RASSF3: variants seen among roughly 807,000 people sequenced by gnomAD.
The protein encoded by RASSF3 is ras association domain-containing protein 3.
A neutral mutation model predicts 19.9 loss-of-function variants in RASSF3; 19 were observed. The observed-to-expected ratio is 0.96, with a 90% CI of 0.67 to 1.40. RASSF3 has a LOEUF of 1.40. RASSF3 is among the 40% of genes most tolerant of loss of function. RASSF3 has a pLI of 0.00. For synonymous variants in RASSF3, 110 were observed against 104.2 expected (o/e 1.06, Z -0.34); for missense variants, 306 against 289.8 (o/e 1.06, Z -0.41).
At chr12:64,605,887 C>CAA (rs34242846), upstream of RASSF3, among the ~76,000 whole-genome samples, 53 of 82,274 alleles carry the variant, frequency 6.4e-4, no homozygotes, top group Middle Eastern at 6.8e-3. Context: ...AACTCCGTCT[C>CAA]AAAAAAAAAA....
intron 1 of RASSF3, among the ~76,000 whole-genome samples, chr12:64,629,275 G>T (rs187893566): frequency 5.3e-5 from 8 of 150,786 alleles, no homozygotes; most frequent in Non-Finnish European, 1.0e-4. Flanking sequence ...CTAATTTTTC[G>T]TATTTTTTTT....
At chr12:64,617,607 G>A (rs896493637) in intron 1 of RASSF3, among the ~76,000 whole-genome samples, 1 of 152,192 alleles carries the variant, frequency 6.6e-6, no homozygotes, top group Non-Finnish European at 1.5e-5. Flanking sequence ...ACCCAGGCTG[G>A]AGTACAATGA....
At chr12:64,640,383 A>G (rs186531901) in intron 1 of RASSF3, among the ~76,000 whole-genome samples, 117 of 152,304 alleles carry the variant, frequency 7.7e-4, no homozygotes, top group African/African-American at 2.7e-3. Context: ...TATAGGCATT[A>G]TGTTGTACAC....
intron 1 of RASSF3, among the ~76,000 whole-genome samples, chr12:64,647,821 G>A (rs943538080): frequency 6.6e-6 from 1 of 151,934 alleles, no homozygotes; most frequent in African/African-American, 2.4e-5. Context: ...AAGTGCTGGG[G>A]TTACAGGCAT....
At position 64,577,412 on chromosome 12, in the gene RASSF3, A is replaced by G. The variant is rs984038768; in HGVS notation, c.294+35707A>G. Among the ~76,000 whole-genome samples, 22 of 152,316 alleles carry G rather than the reference A, an allele frequency of 1.4e-4. 1 individual carries two copies. Among genetic ancestry groups the G allele is most frequent in the African/African-American group, 5.1e-4 (21 of 41,582 alleles). ...TCAGGTGATTGGCTTTCCTTGAGAA[A>G]TCGGTGTTGTCTGTGAAGAAGATAA... is the stretch of plus-strand genomic sequence containing the variant. On this transcript the variant is annotated intron_variant, in intron 2 of 5. Transcript: ENST00000637125.
chr12:64,579,075 C>T (rs1869643363), intron 2 of RASSF3, among the ~76,000 whole-genome samples: 1 of 151,028 alleles, frequency 6.6e-6, no homozygotes, highest in African/African-American at 2.4e-5. Flanking sequence ...TGCAGTGAGC[C>T]GAGATTGAGC....
intron 2 of RASSF3, among the ~76,000 whole-genome samples, chr12:64,602,953 G>C (rs746049304): frequency 6.6e-6 from 1 of 152,086 alleles, no homozygotes; most frequent in Non-Finnish European, 1.5e-5. Context: ...ACAAAAATTA[G>C]CTGGGCGTGG....
chr12:64,643,010 G>A (rs1565859107), intron 1 of RASSF3, among the ~76,000 whole-genome samples: 1 of 151,842 alleles, frequency 6.6e-6, no homozygotes, highest in Non-Finnish European at 1.5e-5. Flanking sequence ...CAGGCACATG[G>A]CACCACACCT....
rs982905367 is a variant in RASSF3, at chr12:64,675,057, C to G, written c.112-9730C>G. On this transcript the variant is annotated intron_variant, in intron 1 of 4. Transcript: ENST00000542104. The stretch of plus-strand genomic sequence containing the variant: ...AAATACCCACCTAGCCCCCCCCCCC[C>G]CCGCCACCCCGGCTTCTTGCTTAAC... Among the ~76,000 whole-genome samples, 6 of 128,198 alleles carry G rather than the reference C, an allele frequency of 4.7e-5. 1 individual carries two copies. Among genetic ancestry groups the G allele is most frequent in the African/African-American group, 9.0e-5 (3 of 33,472 alleles). 84.1% of individuals were successfully genotyped at this position (128,198 alleles called of 152,430 possible).
chr12:64,656,768 G>T (rs957957469), intron 1 of RASSF3, among the ~76,000 whole-genome samples: 11 of 152,168 alleles, frequency 7.2e-5, no homozygotes, highest in Admixed American at 2.0e-4. Context: ...CCTGATGTTG[G>T]TCCCTTAATT....
chr12:64,586,787 G>C (rs1244733461), intron 2 of RASSF3, among the ~76,000 whole-genome samples: 1 of 151,728 alleles, frequency 6.6e-6, no homozygotes, highest in Non-Finnish European at 1.5e-5. Context: ...GCTGGATGTG[G>C]TGGCATGTGC....
In RASSF3 at chr12:64,594,835, A is replaced by T. The variant is rs2136142194; in HGVS notation, c.294+53130A>T. ...ACCCAAGCTGGTCTTCTGGTCTTGA[A>T]CTCTTGGGCTCAAACGATCATCCCA... is the stretch of plus-strand genomic sequence containing the variant. On this transcript the variant is annotated intron_variant, in intron 2 of 5. Transcript: ENST00000637125. 1.3e-5 allele frequency among the ~76,000 whole-genome samples: 2 copies of T among 151,398 alleles called. 1 individual carries two copies. Among genetic ancestry groups the T allele is most frequent in the Admixed American group, 1.3e-4 (2 of 15,140 alleles).
chr12:64,595,153 C>T (rs1251154583), intron 2 of RASSF3, among the ~76,000 whole-genome samples: 8 of 148,876 alleles, frequency 5.4e-5, no homozygotes, highest in Admixed American at 1.4e-4. Context: ...CAGCTACCTC[C>T]GCCTCCCCAG....
intron 1 of RASSF3, among the ~76,000 whole-genome samples, chr12:64,667,390 C>A (rs987634931): frequency 6.6e-6 from 1 of 151,870 alleles, no homozygotes; most frequent in Non-Finnish European, 1.5e-5. Flanking sequence ...GCAGTGGCGC[C>A]ATCTCGGCTT....
rs189052692 is a variant in RASSF3 at position 64,554,461 on chromosome 12, C to T, written c.294+12756C>T. On this transcript the variant is annotated intron_variant, in intron 2 of 5. Coordinates refer to the RASSF3 transcript ENST00000637125. ...CTGGGATCATAAGCACGCACCACCA[C>T]GCCTGGCTAATTTTTGTATTTTTAG... 3.3e-4 allele frequency among the ~76,000 whole-genome samples: 51 copies of T among 152,292 alleles called. No homozygotes were observed. In the East Asian group the frequency reaches 7.0e-3, roughly 21 times the overall value.
chr12:64,565,017 G>A (rs568021722), intron 2 of RASSF3, among the ~76,000 whole-genome samples: 124 of 151,766 alleles, frequency 8.2e-4, no homozygotes, highest in Non-Finnish European at 1.6e-3. Context: ...CTGACCTCAG[G>A]TGATCCACCT....
chr12:64,643,452 G>A (rs1382273341), intron 1 of RASSF3, among the ~76,000 whole-genome samples: 1 of 152,058 alleles, frequency 6.6e-6, no homozygotes, highest in Non-Finnish European at 1.5e-5. Context: ...ACGACCGCTT[G>A]AGCCGAGGAA....
At chr12:64,513,535 C>T (rs1868341574) in intron 1 of RASSF3, among the ~76,000 whole-genome samples, 1 of 151,516 alleles carries the variant, frequency 6.6e-6, no homozygotes, top group African/African-American at 2.4e-5. Context: ...TATATAATAA[C>T]CTAACACCAA....
intron 2 of RASSF3, among the ~76,000 whole-genome samples, chr12:64,570,926 A>G (rs1004489777): frequency 1.6e-4 from 24 of 152,264 alleles, no homozygotes; most frequent in African/African-American, 5.5e-4. Context: ...TTGGATAAAA[A>G]GTGTCTAAAG....
Sources: gnomAD v4.1 joint callset for allele counts (sites outside exome capture counted in the v4.1 genomes callset) on GRCh38, gnomAD v4.1.1 for gene constraint, MANE v1.5 for transcripts, NCBI Gene and HGNC (gene_info 2026-07-23, HGNC 2026-07-21) for gene names.